MLKL: variants seen among roughly 807,000 people sequenced by gnomAD.
The protein encoded by MLKL is mixed lineage kinase domain-like protein.
MLKL carries 55 observed loss-of-function variants against 56.5 expected under a neutral mutation model. The ratio of observed to expected loss-of-function variants is 0.97; its 90% CI spans 0.78 to 1.22. The LOEUF is 1.22. Among genes scored for constraint, MLKL ranks in the 50% most tolerant of loss-of-function variants. The pLI is 0.00. For missense variants in MLKL, 694 were observed against 573.9 expected (o/e 1.21, Z -2.14); for synonymous variants, 251 against 208.3 (o/e 1.20, Z -1.76).
At chr16:74,689,546 T>C (rs1960544057) in intron 4 of MLKL, among the ~76,000 whole-genome samples, 2 of 152,212 alleles carry the variant, frequency 1.3e-5, no homozygotes, top group African/African-American at 4.8e-5. Context: ...TTGAGGAGTG[T>C]GATAAAACTT....
chr16:74,683,539 T>G (rs575762583), intron 5 of MLKL, among the ~76,000 whole-genome samples: 15 of 146,838 alleles, frequency 1.0e-4, no homozygotes, highest in Non-Finnish European at 1.9e-4. Context: ...GAAGCTGCAG[T>G]AAGCATATTG....
intron 1 of MLKL, among the ~76,000 whole-genome samples, chr16:74,697,623 A>G (rs892509057): frequency 1.3e-4 from 12 of 90,532 alleles, no homozygotes; most frequent in African/African-American, 6.0e-4. Context: ...AGATTGCTTG[A>G]GGCCAGGAGT....
chr16:74,679,781 C>T (rs1181636787), intron 6 of MLKL, among the ~76,000 whole-genome samples: 4 of 152,074 alleles, frequency 2.6e-5, no homozygotes, highest in African/African-American at 4.8e-5. Flanking sequence ...CGCCACTATA[C>T]TCCAGCCTGG....
intron 6 of MLKL, among the ~76,000 whole-genome samples, chr16:74,681,330 T>G (rs1959953241): frequency 6.6e-6 from 1 of 152,126 alleles, no homozygotes; most frequent in Admixed American, 6.6e-5. Flanking sequence ...CAGGCCTTTA[T>G]TCCGATTTTT....
Position 74,693,694 on chromosome 16 carries a change from G to A in MLKL, c.461-1278C>T, listed in dbSNP as rs1385594314. 2.7e-5 allele frequency among the ~76,000 whole-genome samples: 4 copies of A among 146,842 alleles called. No individual in the cohort carries two copies. In the East Asian group the frequency reaches 8.3e-4, roughly 30 times the overall value. Reference sequence around the variant, plus strand: ...CTCAGCTCACTGCAGGCTCCGCCCCGCGGGGTTCACGCCATTCCCCCGCCT... The same window carrying A: ...CTCAGCTCACTGCAGGCTCCGCCCCACGGGGTTCACGCCATTCCCCCGCCT... On this transcript the variant is annotated intron_variant, in intron 2 of 10. Transcript: ENST00000308807.
At chr16:74,693,364 T>A (rs943950019) in intron 2 of MLKL, among the ~76,000 whole-genome samples, 1 of 146,792 alleles carries the variant, frequency 6.8e-6, no homozygotes, top group African/African-American at 2.5e-5. Flanking sequence ...ACTACTGGGG[T>A]GACTGAGGCA....
chr16:74,688,501 G>A (rs1328539375), intron 4 of MLKL, among the ~76,000 whole-genome samples: 1 of 152,006 alleles, frequency 6.6e-6, no homozygotes, highest in East Asian at 1.9e-4. Flanking sequence ...ATTGCTTGAG[G>A]TTAGGAGTTT....
At chr16:74,683,903 G>A (rs892484632) in intron 5 of MLKL, among the ~76,000 whole-genome samples, 8 of 152,104 alleles carry the variant, frequency 5.3e-5, no homozygotes, top group African/African-American at 1.2e-4. Context: ...GCACCTCAGC[G>A]GTCCCCAAGG....
chr16:74,692,124 T>G lies in MLKL; in HGVS notation c.535+218A>C, dbSNP rs566519378. Among the ~76,000 whole-genome samples the G allele has an allele frequency of 2.0e-5, 3 of 152,242 alleles. No homozygotes were observed. The South Asian group carries it at 6.2e-4, about 31-fold the overall frequency. On this transcript the variant is annotated intron_variant, in intron 3 of 10. Coordinates refer to ENST00000308807, the MANE Select transcript of MLKL (RefSeq NM_152649.4). The stretch of plus-strand genomic sequence containing the variant: ...GGTTTTTAAGTACTTTGACAGCTGC[T>G]AGAAGGTATCTTACTGGTCAAGAAG...
In MLKL at chr16:74,695,607, T is replaced by C. The variant is rs759945567; in HGVS notation, c.151A>G (p.Arg51Gly). 7 of 1,614,222 alleles carry C rather than the reference T, an allele frequency of 4.3e-6. No homozygotes were observed. The highest frequency in any genetic ancestry group is 1.1e-5 in the South Asian group (1 of 91,084). ...GTTAACTTCTCAGAGGGCACGCTCC[T>C]CTTTCCTTGGTCCTGGAGCATCTCC... The part of the protein sequence containing the change: ...PLEMLQDQGK[R>G]SVPSEKLTTA... Residue 51 changes from arginine (R) to glycine (G), a missense_variant, in exon 2 of 11, where the codon AGG becomes GGG. Arg to Gly is a moderately radical substitution (Grantham distance 125, BLOSUM62 -2). Coordinates refer to ENST00000308807, the MANE Select transcript of MLKL (RefSeq NM_152649.4).
intron 1 of MLKL, among the ~76,000 whole-genome samples, chr16:74,697,917 A>C (rs1052038362): frequency 6.6e-6 from 1 of 152,162 alleles, no homozygotes; most frequent in Non-Finnish European, 1.5e-5. Flanking sequence ...ATTTAAAATA[A>C]AGTTAGGGTA....
At chr16:74,680,882 A>T (rs1959926440) in intron 6 of MLKL, among the ~76,000 whole-genome samples, 1 of 152,138 alleles carries the variant, frequency 6.6e-6, no homozygotes, top group African/African-American at 2.4e-5. Flanking sequence ...TGGATCACAG[A>T]GCTTCTGGCA....
chr16:74,676,070 A>T, intron 7 of MLKL: 1 of 340,752 alleles, frequency 2.9e-6, no homozygotes, highest in Non-Finnish European at 5.0e-6. Context: ...AGTTGTTGCC[A>T]GTATGACTAT....
chr16:74,698,359 C>G (rs556065927), intron 1 of MLKL, among the ~76,000 whole-genome samples: 1 of 151,936 alleles, frequency 6.6e-6, no homozygotes, highest in East Asian at 1.9e-4. Flanking sequence ...GGCCTGGAGC[C>G]CAAGTATGGC....
At chr16:74,697,740 G>T (rs1356438322) in intron 1 of MLKL, among the ~76,000 whole-genome samples, 1 of 152,048 alleles carries the variant, frequency 6.6e-6, no homozygotes, top group African/African-American at 2.4e-5. Flanking sequence ...AATCGCTTGA[G>T]CCTGGGAGGT....
chr16:74,686,947 C>T (rs1455416963), intron 4 of MLKL, among the ~76,000 whole-genome samples: 2 of 152,128 alleles, frequency 1.3e-5, no homozygotes, highest in Non-Finnish European at 2.9e-5. Context: ...AAATTTTGTA[C>T]CTAAATTGTT....
intron 1 of MLKL, among the ~76,000 whole-genome samples, chr16:74,696,418 T>C (rs2144564821): frequency 6.6e-6 from 1 of 152,180 alleles, no homozygotes; most frequent in South Asian, 2.1e-4. Flanking sequence ...TGTTTCTTTC[T>C]GTTTTTTTTT....
chr16:74,687,755 G>A (rs1431570590), intron 4 of MLKL, among the ~76,000 whole-genome samples: 1 of 151,970 alleles, frequency 6.6e-6, no homozygotes, highest in East Asian at 1.9e-4. Flanking sequence ...TGCAATACCT[G>A]CCTTCTGGGT....
chr16:74,676,164 G>T, intron 7 of MLKL: 1 of 832,704 alleles, frequency 1.2e-6, no homozygotes, highest in Non-Finnish European at 1.5e-6. Flanking sequence ...TGCCTGGCTC[G>T]CCTTTTCCCA....
Sources: gnomAD v4.1 joint callset for allele counts (sites outside exome capture counted in the v4.1 genomes callset) on GRCh38, gnomAD v4.1.1 for gene constraint, MANE v1.5 for transcripts, NCBI Gene and HGNC (gene_info 2026-07-23, HGNC 2026-07-21) for gene names.